Variants in ATP11A observed in about 807,000 individuals in gnomAD.
ATP11A encodes the protein phospholipid-transporting ATPase IH.
In ATP11A, 81 loss-of-function variants were observed where a neutral mutation model predicts 154.4. The ratio of observed to expected loss-of-function variants is 0.52; its 90% CI spans 0.44 to 0.63. The LOEUF (loss-of-function observed/expected upper bound fraction) is 0.63. Among genes scored for constraint, ATP11A ranks in the 30% least tolerant of loss-of-function variants. The probability of loss-of-function intolerance (pLI) is 0.00; values close to 1 mark genes in which losing one functional copy is unlikely to be tolerated. For synonymous variants in ATP11A, 623 were observed against 585.9 expected (o/e 1.06, Z -0.91); for missense variants, 1,316 against 1,474.3 (o/e 0.89, Z 1.76).
chr13:112,697,753 T>A lies in ATP11A; in HGVS notation c.39+7298T>A, dbSNP rs1190801960. On this transcript the variant is annotated intron_variant, in intron 1 of 29. Transcript: ENST00000375645. This position sits in a 1 kb window ranked among gnomAD's most constrained non-coding sequence, Gnocchi z 4.0. ...TTTTTTTTTTTTTTTTTTTTTTTTT[T>A]AGTAGAGATGGGGTTTCACCATATT... is the stretch of plus-strand genomic sequence containing the variant. Among the ~76,000 whole-genome samples, 2 of 118,346 alleles carry A rather than the reference T, an allele frequency of 1.7e-5. No homozygotes were observed. The highest frequency in any genetic ancestry group is 3.3e-5 in the African/African-American group (1 of 29,998). 77.6% of individuals were successfully genotyped at this position (118,346 alleles called of 152,430 possible). A position where few individuals can be genotyped will look rare whatever the true frequency, so the allele number is the denominator to read the frequency against.
rs1286669634 is a variant in ATP11A, at chr13:112,859,188, T to C, written c.2668-205T>C. On this transcript the variant is annotated intron_variant, in intron 22 of 29. Transcript: ENST00000375645. This position sits in a 1 kb window ranked among gnomAD's most constrained non-coding sequence, Gnocchi z 4.3. ...TGACAAATTTCCTCTATACGTTGTC[T>C]GTCCTGAGTGGCCAAAACGTGGTCA... 3.4e-6 allele frequency: 2 copies of C among 582,758 alleles called. No individual in the cohort carries two copies. The highest frequency in any genetic ancestry group is 1.9e-5 in the African/African-American group (1 of 53,540). The allele number at this position is 582,758 out of a possible 1,614,324, so 36.1% of individuals were successfully genotyped here. A position where few individuals can be genotyped will look rare whatever the true frequency, so the allele number is the denominator to read the frequency against.
chr13:112,792,533 C>T (rs1180461553), intron 2 of ATP11A, among the ~76,000 whole-genome samples: 2 of 152,160 alleles, frequency 1.3e-5, no homozygotes, highest in Admixed American at 6.5e-5. Context: ...GGATGAAAGC[C>T]TTTGTCATGG....
intron 1 of ATP11A, among the ~76,000 whole-genome samples, chr13:112,729,886 A>G (rs1566394594): frequency 6.6e-6 from 1 of 152,238 alleles, no homozygotes; most frequent in Non-Finnish European, 1.5e-5. Flanking sequence ...AATGGTTGTT[A>G]CTTTTAAATG....
At chr13:112,823,775 G>A (rs1183500811) in intron 9 of ATP11A, among the ~76,000 whole-genome samples, 1 of 152,220 alleles carries the variant, frequency 6.6e-6, no homozygotes, top group African/African-American at 2.4e-5. Flanking sequence ...GTAACCTTTA[G>A]AAGTATACAA....
Position 112,854,415 on chromosome 13 carries a change from C to T in ATP11A, c.2128C>T (p.Leu710=). The T allele has an allele frequency of 1.9e-6, 3 of 1,613,540 alleles. No individual in the cohort carries two copies. Among genetic ancestry groups the T allele is most frequent in the Non-Finnish European group, 2.5e-6 (3 of 1,180,030 alleles). Residue 710 remains leucine, a synonymous_variant, in exon 19 of 30, where the codon CTG becomes TTG. Coordinates refer to ENST00000375645, the MANE Select transcript of ATP11A (RefSeq NM_015205.3). ...CAAGCTCTTCCGCAGGAACACGCAG[C>T]TGCTGGAGCTGACCACCAAGAGGAT... The part of the protein sequence containing the change: ...ACKLFRRNTQ[L]LELTTKRIEE...
intron 1 of ATP11A, among the ~76,000 whole-genome samples, chr13:112,700,511 C>T (rs1453722062): frequency 6.6e-6 from 1 of 152,224 alleles, no homozygotes. Context: ...AGCCAGGTCT[C>T]ATTGGCACTG....
rs1245339130 is a variant in ATP11A, at chr13:112,845,768, A to G, written c.1809+3389A>G. On this transcript the variant is annotated intron_variant, in intron 17 of 29. Coordinates refer to ENST00000375645, the MANE Select transcript of ATP11A (RefSeq NM_015205.3). The stretch of plus-strand genomic sequence containing the variant: ...GGTACTAACCAGTCCAGTTGCCGGC[A>G]CTAGCGGTACTAACCAGTCCAGTTT... Among the ~76,000 whole-genome samples the G allele has an allele frequency of 5.9e-5, 4 of 68,366 alleles. 1 individual carries two copies. The highest frequency in any genetic ancestry group is 4.0e-4 in the African/African-American group (4 of 10,018). 44.9% of individuals were successfully genotyped at this position (68,366 alleles called of 152,430 possible).
In ATP11A at chr13:112,882,973, G is replaced by T. The variant is rs529617318; in HGVS notation, c.*1107G>T. The T allele has an allele frequency of 2.5e-5, 10 of 399,184 alleles. No individual in the cohort carries two copies. Among genetic ancestry groups the T allele is most frequent in the Admixed American group, 8.8e-5 (2 of 22,730 alleles). The allele number at this position is 399,184 out of a possible 1,614,324, so 24.7% of individuals were successfully genotyped here. A position where few individuals can be genotyped will look rare whatever the true frequency, so the allele number is the denominator to read the frequency against. The stretch of plus-strand genomic sequence containing the variant: ...ACCTCTGCCCGCCTCCCGCACTGCA[G>T]CTCCGCCCGCCGGGCTCTGCGTCCC... On this transcript the variant is annotated 3_prime_UTR_variant, in exon 30 of 30. Transcript: ENST00000375645. This position sits in a 1 kb window ranked among gnomAD's most constrained non-coding sequence, Gnocchi z 5.1.
At chr13:112,874,185 A>C (rs9549593) in intron 27 of ATP11A, among the ~76,000 whole-genome samples, 66,861 of 151,658 alleles carry the variant, frequency 0.44, 15,395 homozygotes, top group African/African-American at 0.58. Flanking sequence ...AGCCTGACTC[A>C]TCGGGGAGCC....
At chr13:112,765,799 A>G (rs1415242350) in intron 1 of ATP11A, among the ~76,000 whole-genome samples, 1 of 152,250 alleles carries the variant, frequency 6.6e-6, no homozygotes, top group Non-Finnish European at 1.5e-5. Context: ...ATGCTCACGA[A>G]TAATTCTCGC....
At chr13:112,818,098 T>C (rs564115532) in intron 6 of ATP11A, among the ~76,000 whole-genome samples, 2 of 152,160 alleles carry the variant, frequency 1.3e-5, no homozygotes, top group South Asian at 4.2e-4. Context: ...TGACTGTTGG[T>C]GTGCTTGGTG....
chr13:112,874,937 A>G (rs2080671938), intron 27 of ATP11A, among the ~76,000 whole-genome samples: 1 of 152,166 alleles, frequency 6.6e-6, no homozygotes. Context: ...GCCTTGGTAG[A>G]ACCACAGCCT....
At chr13:112,847,451 A>G (rs2079641739) in intron 17 of ATP11A, among the ~76,000 whole-genome samples, 2 of 152,222 alleles carry the variant, frequency 1.3e-5, no homozygotes, top group South Asian at 4.1e-4. Flanking sequence ...TCATAAAGTG[A>G]GGGTCCTACT....
chr13:112,760,745 A>G (rs1407425072), intron 1 of ATP11A, among the ~76,000 whole-genome samples: 2 of 152,218 alleles, frequency 1.3e-5, no homozygotes, highest in Non-Finnish European at 2.9e-5. Flanking sequence ...CAGTTCTGCC[A>G]ATAAATATTT....
chr13:112,856,386 A>ACCACCGAG, intron 20 of ATP11A: 1 of 193,646 alleles, frequency 5.2e-6, no homozygotes, highest in South Asian at 1.5e-4. Context: ...CACTCCTGAG[A>ACCACCGAG]ATCTACACTA....
chr13:112,810,467 T>TG, intron 4 of ATP11A, 152 bp from the exon 5 acceptor site: 1 of 634,120 alleles, frequency 1.6e-6, no homozygotes, highest in Non-Finnish European at 2.8e-6. Context: ...AAGGATAGTG[T>TG]GTGTAGTGCA....
chr13:112,759,432 C>T (rs1301169054), intron 1 of ATP11A, among the ~76,000 whole-genome samples: 1 of 152,218 alleles, frequency 6.6e-6, no homozygotes, highest in African/African-American at 2.4e-5. Context: ...CTGAAGACTT[C>T]CTAACCTGCG....
chr13:112,710,837 A>G (rs413578), intron 1 of ATP11A, among the ~76,000 whole-genome samples: 140,808 of 152,268 alleles, frequency 0.92, 65,309 homozygotes, highest in East Asian at 1. Flanking sequence ...TGCCGTCACT[A>G]TCATCCCTGC....
chr13:112,842,910 C>T lies in ATP11A; in HGVS notation c.1809+531C>T, dbSNP rs185583553. Among the ~76,000 whole-genome samples the T allele has an allele frequency of 1.1e-4, 16 of 152,378 alleles. No individual in the cohort carries two copies. In the East Asian group the frequency reaches 1.2e-3, roughly 11 times the overall value. ...ACCTGAGCCTCCCACTCCGTGGGTC[C>T]GGCTTTCTGTCTTTGGGGCTGCTGC... On this transcript the variant is annotated intron_variant, in intron 17 of 29. Coordinates refer to ENST00000375645, the MANE Select transcript of ATP11A (RefSeq NM_015205.3).
Sources: gnomAD v4.1 joint callset for allele counts (sites outside exome capture counted in the v4.1 genomes callset) on GRCh38, gnomAD v4.1.1 for gene constraint, Gnocchi (gnomAD v3.1) non-coding constraint, MANE v1.5 for transcripts, NCBI Gene and HGNC (gene_info 2026-07-23, HGNC 2026-07-21) for gene names.